The following NCAM2 variants were observed in gnomAD, a reference collection of about 807,000 sequenced individuals.
NCAM2 encodes N-CAM-2.
Under a neutral mutation model 98.1 loss-of-function variants are expected in NCAM2, and 30 were observed. That is an observed-to-expected ratio of 0.31 (90% CI 0.23 to 0.41). NCAM2 has a LOEUF of 0.41. Ranked by LOEUF, NCAM2 falls within the 10% of genes least tolerant of loss-of-function variation. NCAM2 has a pLI of 1.00. For missense variants in NCAM2, 867 were observed against 1,005.8 expected, an observed-to-expected ratio of 0.86 and a Z score of 1.87; for synonymous variants, 368 against 342.4, an observed-to-expected ratio of 1.07 and a Z score of -0.83.
intron 1 of NCAM2, among the ~76,000 whole-genome samples, chr21:21,170,579 C>T (rs764408385): frequency 6.6e-6 from 1 of 151,970 alleles, no homozygotes; most frequent in Non-Finnish European, 1.5e-5. Flanking sequence ...AAAGGATGAA[C>T]AAGGGGAACA....
chr21:21,271,453 A>C (rs537824824), intron 1 of NCAM2, among the ~76,000 whole-genome samples: 1 of 152,224 alleles, frequency 6.6e-6, no homozygotes, highest in Non-Finnish European at 1.5e-5. Context: ...GATTAATTTT[A>C]ACTTAAATAG....
At chr21:21,058,045 G>A (rs1311138081) in intron 1 of NCAM2, among the ~76,000 whole-genome samples, 1 of 150,580 alleles carries the variant, frequency 6.6e-6, no homozygotes, top group Non-Finnish European at 1.5e-5. Context: ...TTAATCAACA[G>A]CCATCTGCTC....
At chr21:21,361,657 G>C (rs1022475543) in intron 8 of NCAM2, among the ~76,000 whole-genome samples, 1 of 151,962 alleles carries the variant, frequency 6.6e-6, no homozygotes, top group African/African-American at 2.4e-5. Context: ...AATTTCAACT[G>C]TGGACCTCTC....
intron 1 of NCAM2, among the ~76,000 whole-genome samples, chr21:21,127,071 TAAG>T (rs540252328): frequency 9.2e-4 from 140 of 152,074 alleles, no homozygotes; most frequent in African/African-American, 3.2e-3. Flanking sequence ...TAAAAAAGAA[TAAG>T]AATCTGTCAT....
chr21:21,256,243 C>A (rs994959504), intron 1 of NCAM2, among the ~76,000 whole-genome samples: 1 of 151,930 alleles, frequency 6.6e-6, no homozygotes. Context: ...GTAATCCTAG[C>A]AACTAGGGAG....
chr21:21,313,516 C>A lies in NCAM2; in HGVS notation c.620-10867C>A, dbSNP rs116858022. Among the ~76,000 whole-genome samples the A allele has an allele frequency of 1.5e-3, 224 of 151,954 alleles. 2 individuals carry two copies. Among genetic ancestry groups the A allele is most frequent in the Admixed American group, 4.1e-3 (63 of 15,266 alleles). ...TTTTCTGATATTGACATAGCCACTGCAGCTTTCTTTTGATTAGCATTTGAA... is the reference window on the plus strand; with the variant it reads ...TTTTCTGATATTGACATAGCCACTGAAGCTTTCTTTTGATTAGCATTTGAA... On this transcript the variant is annotated intron_variant, in intron 5 of 17. Transcript: ENST00000400546.
chr21:21,501,058 T>C (rs1185338918), intron 15 of NCAM2, among the ~76,000 whole-genome samples: 1 of 152,070 alleles, frequency 6.6e-6, no homozygotes, highest in Non-Finnish European at 1.5e-5. Flanking sequence ...ATTGATTCTT[T>C]CTACATTCTG....
chr21:21,157,543 C>T (rs1307007883), intron 1 of NCAM2, among the ~76,000 whole-genome samples: 1 of 152,066 alleles, frequency 6.6e-6, no homozygotes, highest in African/African-American at 2.4e-5. Context: ...CATATATCAT[C>T]ATCTTTGTAC....
At chr21:21,286,138 T>G in intron 3 of NCAM2, 131 bp from the exon 4 acceptor site, 1 of 1,004,646 alleles carries the variant, frequency 1.0e-6, no homozygotes, top group Non-Finnish European at 1.4e-6. Flanking sequence ...AGTTTAAGAT[T>G]TTAAAGTATC....
chr21:21,115,889 A>G (rs1021189450), intron 1 of NCAM2, among the ~76,000 whole-genome samples: 37 of 152,072 alleles, frequency 2.4e-4, no homozygotes, highest in African/African-American at 8.9e-4. Context: ...ACTGAAATGA[A>G]TTTTTGGAAA....
chr21:21,521,848 A>G (rs1028923607), intron 16 of NCAM2, among the ~76,000 whole-genome samples: 1 of 152,006 alleles, frequency 6.6e-6, no homozygotes, highest in Non-Finnish European at 1.5e-5. Flanking sequence ...AATAAACAGA[A>G]GAAATATTTG....
intron 1 of NCAM2, among the ~76,000 whole-genome samples, chr21:21,013,009 C>T (rs2064238299): frequency 6.6e-6 from 1 of 152,126 alleles, no homozygotes; most frequent in African/African-American, 2.4e-5. Flanking sequence ...GTATTTGTCC[C>T]TCTCTTCAGA....
At chr21:21,142,167 C>T (rs1006011005) in intron 1 of NCAM2, among the ~76,000 whole-genome samples, 2 of 151,902 alleles carry the variant, frequency 1.3e-5, no homozygotes, top group East Asian at 1.9e-4. Context: ...TTAGCAATAG[C>T]GAAAACAACT....
chr21:21,290,181 A>G (rs956723338), intron 4 of NCAM2: 1 of 151,876 alleles, frequency 6.6e-6, no homozygotes, highest in African/African-American at 2.4e-5. Context: ...TTTTAAATAT[A>G]TTTTTCCTAA....
intron 10 of NCAM2, among the ~76,000 whole-genome samples, chr21:21,411,352 G>C (rs920415269): frequency 2.7e-5 from 4 of 149,374 alleles, no homozygotes; most frequent in Non-Finnish European, 5.9e-5. Context: ...TTTTCAGTCT[G>C]GCAGGTATAA....
At chr21:21,262,880 G>C (rs1398978285) in intron 1 of NCAM2, among the ~76,000 whole-genome samples, 9 of 152,048 alleles carry the variant, frequency 5.9e-5, no homozygotes. Flanking sequence ...AAGAGAGCTT[G>C]TGCAGAGAAA....
Position 21,324,248 on chromosome 21 carries a change from C to G in NCAM2, c.620-135C>G, listed in dbSNP as rs1006237153. The G allele has an allele frequency of 6.7e-6, 4 of 593,282 alleles. No individual in the cohort carries two copies. In the South Asian group the frequency reaches 1.1e-4, roughly 16 times the overall value. The allele number at this position is 593,282 out of a possible 1,614,324, so 36.8% of individuals were successfully genotyped here. ...GTGATAAAGTTATTTTACTGTGAAA[C>G]CAAATCAGTTTCATTAATATAAATG... On this transcript the variant is annotated intron_variant, in intron 5 of 17. Transcript: ENST00000400546.
At chr21:21,079,112 G>T (rs2065740456) in intron 1 of NCAM2, among the ~76,000 whole-genome samples, 1 of 152,134 alleles carries the variant, frequency 6.6e-6, no homozygotes, top group South Asian at 2.1e-4. Context: ...CTGAAGGGTT[G>T]ACAGGTGCAG....
chr21:21,142,287 A>T (rs1438683038), intron 1 of NCAM2, among the ~76,000 whole-genome samples: 1 of 151,420 alleles, frequency 6.6e-6, no homozygotes, highest in Non-Finnish European at 1.5e-5. Context: ...AGGCACTTGG[A>T]TAGTTTATGT....
Sources: allele counts gnomAD v4.1 joint callset (sites outside exome capture counted in the v4.1 genomes callset), GRCh38; gene constraint gnomAD v4.1.1; transcripts MANE v1.5; gene names NCBI Gene and HGNC (gene_info 2026-07-23, HGNC 2026-07-21).